Variants in TDRD12 observed in about 807,000 individuals in gnomAD.
TDRD12 encodes the protein putative ATP-dependent RNA helicase TDRD12.
A neutral mutation model predicts 133.5 loss-of-function variants in TDRD12; 158 were observed. That is an observed-to-expected ratio of 1.18 (90% confidence interval 1.04 to 1.35). The LOEUF is 1.35. Among genes scored for constraint, TDRD12 ranks in the 40% most tolerant of loss-of-function variants. TDRD12 has a pLI of 0.00. For missense variants in TDRD12, 1,443 were observed against 1,321.3 expected, an observed-to-expected ratio of 1.09 and a Z score of -1.43; for synonymous variants, 460 against 477.9, an observed-to-expected ratio of 0.96 and a Z score of 0.49.
At chr19:32,722,021 G>A (rs560588144) in intron 1 of TDRD12, among the ~76,000 whole-genome samples, 10 of 152,110 alleles carry the variant, frequency 6.6e-5, no homozygotes, top group African/African-American at 2.2e-4. Flanking sequence ...CGGCCGGTGC[G>A]ATTTTTAAAA....
At chr19:32,775,287 C>A (rs1970549447) in intron 10 of TDRD12, among the ~76,000 whole-genome samples, 1 of 152,114 alleles carries the variant, frequency 6.6e-6, no homozygotes, top group Admixed American at 6.5e-5. Context: ...CTTCTGTCAT[C>A]CACATTCTGC....
intron 22 of TDRD12, among the ~76,000 whole-genome samples, chr19:32,808,862 G>C (rs1321823908): frequency 6.6e-6 from 1 of 152,094 alleles, no homozygotes; most frequent in Non-Finnish European, 1.5e-5. Flanking sequence ...GTTTTGATCT[G>C]TTTGTGGATG....
intron 7 of TDRD12, among the ~76,000 whole-genome samples, chr19:32,756,702 A>T (rs953694128): frequency 2.0e-5 from 3 of 152,166 alleles, no homozygotes; most frequent in Non-Finnish European, 2.9e-5. Flanking sequence ...TCTTATTAAC[A>T]TTGAGTTATG....
chr19:32,722,604 A>G (rs1316006221), intron 1 of TDRD12, among the ~76,000 whole-genome samples: 1 of 152,126 alleles, frequency 6.6e-6, no homozygotes, highest in Non-Finnish European at 1.5e-5. Flanking sequence ...AGCCTTAAAT[A>G]TCTGAGAAAT....
At chr19:32,760,441 G>A (rs1310355611) in intron 8 of TDRD12, among the ~76,000 whole-genome samples, 1 of 152,150 alleles carries the variant, frequency 6.6e-6, no homozygotes, top group East Asian at 1.9e-4. Flanking sequence ...GAGAATCAAA[G>A]TATAATACTT....
At chr19:32,794,848 G>C (rs969785129) in intron 14 of TDRD12, 35 bp downstream of exon 14, 1 of 691,532 alleles carries the variant, frequency 1.4e-6, no homozygotes, top group Non-Finnish European at 2.6e-6. Flanking sequence ...ACAACCAAAT[G>C]GGTTAAATAT....
At chr19:32,800,941 G>C (rs763814575) in intron 18 of TDRD12, among the ~76,000 whole-genome samples, 169 bp downstream of exon 18, 21 of 151,982 alleles carry the variant, frequency 1.4e-4, no homozygotes, top group Non-Finnish European at 2.8e-4. Flanking sequence ...TGCAGGCTGA[G>C]GCCTGGATCT....
At chr19:32,810,236 G>A in exon 23 of TDRD12, 1 of 1,533,620 alleles carries the variant, frequency 6.5e-7, no homozygotes, top group Non-Finnish European at 8.7e-7. Flanking sequence ...AGGTGGAGAA[G>A]TTTGGATTGT....
At chr19:32,746,658 C>G (rs1339795385) in intron 4 of TDRD12, among the ~76,000 whole-genome samples, 28 of 71,864 alleles carry the variant, frequency 3.9e-4, no homozygotes, top group Admixed American at 5.0e-4. Context: ...CTGTGTGTGA[C>G]AGAGGGGGAG....
intron 19 of TDRD12, among the ~76,000 whole-genome samples, chr19:32,802,329 A>G (rs1971423591): frequency 6.6e-6 from 1 of 150,892 alleles, no homozygotes; most frequent in Non-Finnish European, 1.5e-5. Context: ...ATGACTATAT[A>G]CATATGACTA....
intron 25 of TDRD12, 110 bp from the exon 26 acceptor site, chr19:32,815,338 C>T: frequency 2.2e-6 from 2 of 907,866 alleles, no homozygotes; most frequent in Non-Finnish European, 3.3e-6. Context: ...CGCCGAAGTG[C>T]AGCCAACGTG....
chr19:32,791,342 T>A (rs773011103), intron 13 of TDRD12, among the ~76,000 whole-genome samples: 19 of 152,154 alleles, frequency 1.2e-4, no homozygotes, highest in Non-Finnish European at 2.4e-4. Flanking sequence ...GTTTCCAGGA[T>A]GCCTGTGGAC....
At position 32,815,240 on chromosome 19, in the gene TDRD12, A is replaced by G. The variant is rs150863081; in HGVS notation, c.3142-208A>G. On this transcript the variant is annotated intron_variant, in intron 25 of 27. Transcript: ENST00000444215. ...CACCACCTGCCCATATTTCTGTGGC[A>G]TGGGGTGAGGCCTGGATGATTTGGA... 2.9e-3 allele frequency among the ~76,000 whole-genome samples: 437 copies of G among 152,240 alleles called. 2 individuals are homozygous for G. The highest frequency in any genetic ancestry group is 9.8e-3 in the African/African-American group (408 of 41,564).
At chr19:32,802,177 TA>T (rs1196357156) in intron 19 of TDRD12, among the ~76,000 whole-genome samples, 2 of 145,470 alleles carry the variant, frequency 1.4e-5, no homozygotes, top group African/African-American at 5.0e-5. Flanking sequence ...ATATATATCA[TA>T]TATATGATAG....
At chr19:32,812,895 G>A (rs906721728) in intron 24 of TDRD12, among the ~76,000 whole-genome samples, 1 of 152,184 alleles carries the variant, frequency 6.6e-6, no homozygotes, top group Non-Finnish European at 1.5e-5. Context: ...GCCATGGCCA[G>A]GCATGGTGGC....
At chr19:32,802,166 A>ATATATATGATATATATG (rs1371675275) in intron 19 of TDRD12, among the ~76,000 whole-genome samples, 1 of 142,518 alleles carries the variant, frequency 7.0e-6, no homozygotes, top group African/African-American at 2.7e-5. Flanking sequence ...TATATATGAT[A>ATATATATGATATATATG]ATATATATCA....
At chr19:32,765,602 G>A (rs1283743319) in intron 8 of TDRD12, among the ~76,000 whole-genome samples, 3 of 152,072 alleles carry the variant, frequency 2.0e-5, no homozygotes, top group Admixed American at 2.0e-4. Flanking sequence ...CATGGATGAA[G>A]CTGGAAACCA....
At chr19:32,811,821 A>T (rs1967016439) in intron 24 of TDRD12, among the ~76,000 whole-genome samples, 1 of 152,184 alleles carries the variant, frequency 6.6e-6, no homozygotes, top group Non-Finnish European at 1.5e-5. Flanking sequence ...ATGATCTATG[A>T]TCGTGTCACT....
chr19:32,772,700 C>T, intron 8 of TDRD12, 53 bp from the exon 9 acceptor site: 2 of 1,044,718 alleles, frequency 1.9e-6, no homozygotes, highest in South Asian at 1.7e-5. Flanking sequence ...ATCCTATTTT[C>T]TATTAATATC....
Sources: gnomAD v4.1 joint callset for allele counts (sites outside exome capture counted in the v4.1 genomes callset) on GRCh38, gnomAD v4.1.1 for gene constraint, MANE v1.5 for transcripts, NCBI Gene and HGNC (gene_info 2026-07-23, HGNC 2026-07-21) for gene names.